Variants in COL25A1 observed in about 807,000 individuals in gnomAD.
COL25A1 encodes collagen type XXV alpha 1 chain, also known as collagen alpha-1(XXV) chain.
A neutral mutation model predicts 128.4 loss-of-function variants in COL25A1; 103 were observed. That is an observed-to-expected ratio of 0.80 (90% CI 0.68 to 0.94). The LOEUF is 0.94. Ranked by LOEUF, COL25A1 falls within the 40% of genes least tolerant of loss-of-function variation. COL25A1 has a pLI of 0.00. For missense variants in COL25A1, 745 were observed against 840.0 expected, an observed-to-expected ratio of 0.89 and a Z score of 1.40; for synonymous variants, 279 against 277.2, an observed-to-expected ratio of 1.01 and a Z score of -0.06.
At chr4:109,137,643 TA>T (rs1340355920) in intron 3 of COL25A1, among the ~76,000 whole-genome samples, 2 of 152,190 alleles carry the variant, frequency 1.3e-5, no homozygotes, top group Non-Finnish European at 2.9e-5. Context: ...CCCATTAGAT[TA>T]TAGAAAACAA....
chr4:109,009,145 C>CA (rs1460589084), intron 6 of COL25A1, among the ~76,000 whole-genome samples: 1 of 152,092 alleles, frequency 6.6e-6, no homozygotes, highest in Non-Finnish European at 1.5e-5. Context: ...CAAAACAAAA[C>CA]AAAAAACAAA....
At chr4:109,134,238 G>C (rs1011522450) in intron 3 of COL25A1, among the ~76,000 whole-genome samples, 1 of 151,252 alleles carries the variant, frequency 6.6e-6, no homozygotes, top group African/African-American at 2.4e-5. Context: ...TTTAAGAGTC[G>C]TAAGTAGGAG....
At chr4:108,838,321 T>A in intron 31 of COL25A1, 1 of 616,568 alleles carries the variant, frequency 1.6e-6, no homozygotes, top group Non-Finnish European at 2.8e-6. Context: ...CACGAAACAT[T>A]AATTTTTAAA....
At chr4:108,980,936 A>G (rs991689367) in intron 6 of COL25A1, among the ~76,000 whole-genome samples, 12 of 152,218 alleles carry the variant, frequency 7.9e-5, no homozygotes, top group African/African-American at 2.9e-4. Context: ...GAGGAAGCGG[A>G]ATATCCCGTT....
At position 109,098,299 on chromosome 4, in the gene COL25A1, G is replaced by A. The variant is rs900782129; in HGVS notation, c.368-48120C>T. Among the ~76,000 whole-genome samples, 4 of 152,124 alleles carry A rather than the reference G, an allele frequency of 2.6e-5. No individual in the cohort carries two copies. The South Asian group carries it at 8.3e-4, about 32-fold the overall frequency. ...GGCCAAGGGAAGGCCCTGGATAATCGGACATGTAAGTGATGGTTACTTAGA... is the reference window on the plus strand; with the variant it reads ...GGCCAAGGGAAGGCCCTGGATAATCAGACATGTAAGTGATGGTTACTTAGA... On this transcript the variant is annotated intron_variant, in intron 3 of 37. Transcript: ENST00000399132.
intron 11 of COL25A1, among the ~76,000 whole-genome samples, chr4:108,922,682 T>C (rs1184414143): frequency 6.6e-6 from 1 of 152,206 alleles, no homozygotes; most frequent in Non-Finnish European, 1.5e-5. Context: ...TTAAATAAGT[T>C]GTATATTTTA....
In COL25A1 at chr4:108,848,962, A is replaced by T. The variant is rs534798804; in HGVS notation, c.1390-159T>A. 6.6e-3 allele frequency among the ~76,000 whole-genome samples: 1,008 copies of T among 152,272 alleles called. 10 individuals carry two copies. Among genetic ancestry groups the T allele is most frequent in the African/African-American group, 0.023 (962 of 41,554 alleles). On this transcript the variant is annotated intron_variant, in intron 26 of 37. Transcript: ENST00000399132. ...TTATAGCACATATCTAAACTAAGGG[A>T]AGTAATAATCTTTCTTCAAGATTAT...
chr4:109,096,143 T>C (rs184548201), intron 3 of COL25A1, among the ~76,000 whole-genome samples: 45 of 152,352 alleles, frequency 3.0e-4, no homozygotes, highest in South Asian at 6.2e-4. Context: ...TCTTCATGCA[T>C]AGCAAAATAA....
intron 3 of COL25A1, among the ~76,000 whole-genome samples, chr4:109,282,064 C>T (rs1259535290): frequency 6.6e-6 from 1 of 152,154 alleles, no homozygotes; most frequent in African/African-American, 2.4e-5. Context: ...CAGCAGAAAA[C>T]CAACCCAATG....
At chr4:109,009,466 T>A (rs764881669) in intron 6 of COL25A1, among the ~76,000 whole-genome samples, 1 of 152,192 alleles carries the variant, frequency 6.6e-6, no homozygotes, top group East Asian at 1.9e-4. Flanking sequence ...GCATAAATAA[T>A]ATTCTTATGA....
At chr4:109,068,223 A>G (rs1204576871) in intron 3 of COL25A1, among the ~76,000 whole-genome samples, 9 of 152,188 alleles carry the variant, frequency 5.9e-5, no homozygotes. Context: ...TCCTAATGAC[A>G]TATTAAAGGC....
chr4:108,861,708 T>A lies in COL25A1; in HGVS notation c.1198-737A>T, dbSNP rs77029865. On this transcript the variant is annotated intron_variant, in intron 22 of 37. Coordinates refer to ENST00000399132, the MANE Select transcript of COL25A1 (RefSeq NM_198721.4). Reference sequence around the variant, plus strand: ...CCTCAAAATTCTTAGAAATGTAAACTGAAACTTTGGAGAAGAGATTCGAAC... The same window carrying A: ...CCTCAAAATTCTTAGAAATGTAAACAGAAACTTTGGAGAAGAGATTCGAAC... Among the ~76,000 whole-genome samples, 78 of 152,304 alleles carry A rather than the reference T, an allele frequency of 5.1e-4. No homozygotes were observed. The East Asian group carries it at 0.013, about 26-fold the overall frequency.
rs375900975 is a variant in COL25A1, at chr4:109,118,125, T to A, written c.368-67946A>T. ...TACAGCAATTAAAATACAGAAATTATCAGAGTAAATAAAAAACAATAATTG... is the reference window on the plus strand; with the variant it reads ...TACAGCAATTAAAATACAGAAATTAACAGAGTAAATAAAAAACAATAATTG... On this transcript the variant is annotated intron_variant, in intron 3 of 37. Transcript: ENST00000399132. Among the ~76,000 whole-genome samples, 4 of 151,598 alleles carry A rather than the reference T, an allele frequency of 2.6e-5. No individual in the cohort carries two copies. The East Asian group carries it at 7.7e-4, about 29-fold the overall frequency.
intron 3 of COL25A1, among the ~76,000 whole-genome samples, chr4:109,277,125 T>C (rs1722925900): frequency 6.6e-6 from 1 of 152,192 alleles, no homozygotes; most frequent in Admixed American, 6.5e-5. Context: ...GTAATAGAAC[T>C]ACTATTTACT....
intron 6 of COL25A1, among the ~76,000 whole-genome samples, chr4:109,001,370 A>T (rs1755344356): frequency 1.1e-4 from 1 of 9,430 alleles, no homozygotes; most frequent in African/African-American, 1.5e-4. Flanking sequence ...AGTTAAAAGA[A>T]ACAGGCATCT....
chr4:109,219,547 AC>A (rs146744249), intron 3 of COL25A1, among the ~76,000 whole-genome samples: 13,125 of 151,854 alleles, frequency 0.086, 1,182 homozygotes, highest in African/African-American at 0.23. Context: ...TCTCTGTGTC[AC>A]CCCCCACAAA....
intron 6 of COL25A1, among the ~76,000 whole-genome samples, chr4:108,995,123 G>A (rs575033812): frequency 7.2e-5 from 11 of 152,290 alleles, no homozygotes; most frequent in South Asian, 2.1e-4. Context: ...TGAGTTTGAC[G>A]AGTTAACAGA....
chr4:109,213,046 G>A (rs1777699605), intron 3 of COL25A1, among the ~76,000 whole-genome samples: 1 of 152,038 alleles, frequency 6.6e-6, no homozygotes, highest in African/African-American at 2.4e-5. Context: ...TCCAGACATG[G>A]GGATGACTTC....
chr4:109,099,990 C>T lies in COL25A1; in HGVS notation c.368-49811G>A, dbSNP rs148482204. On this transcript the variant is annotated intron_variant, in intron 3 of 37. Transcript: ENST00000399132. ...TGTGTGGGGACAGCATGTGGGAAAT[C>T]TCTGCCCTCCTCTCAATCCTTCTGT... Among the ~76,000 whole-genome samples the T allele has an allele frequency of 5.1e-4, 77 of 152,184 alleles. 1 individual carries two copies. Among genetic ancestry groups the T allele is most frequent in the African/African-American group, 1.7e-3 (71 of 41,564 alleles).
Sources: gnomAD v4.1 joint callset for allele counts (sites outside exome capture counted in the v4.1 genomes callset) on GRCh38, gnomAD v4.1.1 for gene constraint, MANE v1.5 for transcripts, NCBI Gene and HGNC (gene_info 2026-07-23, HGNC 2026-07-21) for gene names.